AGMO: variants seen among roughly 807,000 people sequenced by gnomAD.
AGMO encodes alkylglycerol monooxygenase.
A neutral mutation model predicts 60.2 loss-of-function variants in AGMO; 75 were observed. The ratio of observed to expected loss-of-function variants is 1.25; its 90% CI spans 1.03 to 1.51. The LOEUF is 1.51. AGMO is among the 40% of genes most tolerant of loss of function. The pLI, the probability that AGMO is intolerant of heterozygous loss-of-function variation, is 0.00. For synonymous variants in AGMO, 261 were observed against 177.1 expected (o/e 1.47, Z -3.76); for missense variants, 763 against 525.5 (o/e 1.45, Z -4.42).
At chr7:15,442,461 T>C (rs1781583673) in intron 3 of AGMO, among the ~76,000 whole-genome samples, 1 of 152,082 alleles carries the variant, frequency 6.6e-6, no homozygotes. Flanking sequence ...TAGGAACATT[T>C]CCCCCATTAT....
At chr7:15,174,114 CT>C in the AGMO span, among the ~76,000 whole-genome samples, 9 of 151,900 alleles carry the variant, frequency 5.9e-5, no homozygotes, top group African/African-American at 2.2e-4. Flanking sequence ...TTGGTAATTT[CT>C]TTTTTACATT....
intron 12 of AGMO, among the ~76,000 whole-genome samples, chr7:15,289,708 G>C (rs1784202518): frequency 6.6e-6 from 1 of 152,060 alleles, no homozygotes; most frequent in African/African-American, 2.4e-5. Flanking sequence ...TTCAAAGAAA[G>C]AGGTAAATAC....
the AGMO span, among the ~76,000 whole-genome samples, chr7:15,192,154 C>T: frequency 4.1e-3 from 625 of 152,030 alleles, 1 homozygote; most frequent in African/African-American, 0.013. Flanking sequence ...GTGGGATTCC[C>T]GACCAAAGGC....
intron 12 of AGMO, among the ~76,000 whole-genome samples, chr7:15,203,033 T>C (rs1186605327): frequency 1.3e-5 from 2 of 152,162 alleles, no homozygotes; most frequent in Non-Finnish European, 2.9e-5. Context: ...ACATACCTTG[T>C]GTTGTGCAGG....
the AGMO span, among the ~76,000 whole-genome samples, chr7:15,124,250 T>C: frequency 2.0e-5 from 3 of 152,016 alleles, no homozygotes; most frequent in Non-Finnish European, 4.4e-5. Context: ...GATGGCTGAC[T>C]GGTTTTTTCC....
chr7:15,319,147 T>C (rs772437617), intron 12 of AGMO, among the ~76,000 whole-genome samples: 19 of 152,154 alleles, frequency 1.2e-4, no homozygotes, highest in Non-Finnish European at 2.4e-4. Flanking sequence ...TCAGCATAGG[T>C]TTTATTTTTC....
chr7:15,183,597 T>C, the AGMO span, among the ~76,000 whole-genome samples: 2 of 152,170 alleles, frequency 1.3e-5, no homozygotes, highest in Non-Finnish European at 2.9e-5. Flanking sequence ...GATTCTTACA[T>C]TTAATGACCA....
chr7:15,340,154 T>G (rs1027077010), intron 12 of AGMO, among the ~76,000 whole-genome samples: 11 of 152,216 alleles, frequency 7.2e-5, no homozygotes, highest in Non-Finnish European at 1.6e-4. Flanking sequence ...AATTCATTTA[T>G]GCTATATACA....
intron 3 of AGMO, among the ~76,000 whole-genome samples, chr7:15,536,893 A>G (rs1316107090): frequency 1.3e-5 from 2 of 151,922 alleles, no homozygotes; most frequent in African/African-American, 2.4e-5. Context: ...ATGAAAGTGG[A>G]TAGAATTCCA....
At chr7:15,529,127 T>G (rs563155758) in intron 3 of AGMO, among the ~76,000 whole-genome samples, 1 of 152,252 alleles carries the variant, frequency 6.6e-6, no homozygotes, top group African/African-American at 2.4e-5. Flanking sequence ...ATTCTTAAAA[T>G]GCACTGACAA....
chr7:15,553,890 C>G (rs1374071532), intron 2 of AGMO, among the ~76,000 whole-genome samples: 2 of 152,176 alleles, frequency 1.3e-5, no homozygotes, highest in East Asian at 3.9e-4. Context: ...TCAAGCCTTC[C>G]CCCCACCACA....
At chr7:15,289,163 C>A in intron 12 of AGMO, among the ~76,000 whole-genome samples, 1 of 151,818 alleles carries the variant, frequency 6.6e-6, no homozygotes. Flanking sequence ...AAGCAATTTA[C>A]TTGTTTCATA....
At position 15,201,355 on chromosome 7, in the gene AGMO, AC is replaced by A. The variant is rs764068954; in HGVS notation, c.1267del (p.Val423PhefsTer14). 1.2e-6 allele frequency: 2 copies of A among 1,611,690 alleles called. No individual in the cohort carries two copies. Among genetic ancestry groups the A allele is most frequent in the Admixed American group, 3.3e-5 (2 of 59,920 alleles). On this transcript the variant is annotated frameshift_variant, in exon 13 of 13. Transcript: ENST00000342526. LOFTEE classifies it high-confidence loss of function. ...VPSLSSAFEI[V>X]FSICIAFWGV... is the part of the protein sequence containing the mutation. ...CCAGAAAGCAATGCAAATGGAAAAA[AC>A]AATCTGAAGAAATAAAACACAAAGA...
intron 3 of AGMO, among the ~76,000 whole-genome samples, chr7:15,493,759 G>A (rs1039555433): frequency 6.6e-6 from 1 of 152,122 alleles, no homozygotes; most frequent in African/African-American, 2.4e-5. Context: ...TGCATATCCT[G>A]AGAAGAAAGA....
At chr7:15,476,729 C>A (rs2128515302) in intron 3 of AGMO, among the ~76,000 whole-genome samples, 1 of 152,178 alleles carries the variant, frequency 6.6e-6, no homozygotes, top group African/African-American at 2.4e-5. Context: ...GACTTTAAAA[C>A]ATTTTGAAAC....
chr7:15,322,748 A>G (rs1291212690), intron 12 of AGMO, among the ~76,000 whole-genome samples: 3 of 132,380 alleles, frequency 2.3e-5, no homozygotes, highest in Non-Finnish European at 4.7e-5. Context: ...ATATAAATAT[A>G]TATAAATATA....
At chr7:15,450,400 A>G (rs1247352859) in intron 3 of AGMO, among the ~76,000 whole-genome samples, 1 of 151,538 alleles carries the variant, frequency 6.6e-6, no homozygotes, top group Non-Finnish European at 1.5e-5. Flanking sequence ...AGCCTGGGCA[A>G]CAGAGCGAGT....
At chr7:15,367,529 A>AT (rs1473361566) in intron 10 of AGMO, among the ~76,000 whole-genome samples, 7 of 152,112 alleles carry the variant, frequency 4.6e-5, no homozygotes, top group Admixed American at 2.6e-4. Context: ...CAGAAAGTAA[A>AT]TAACGCCTCT....
intron 3 of AGMO, among the ~76,000 whole-genome samples, chr7:15,499,053 GA>G (rs1350622129): frequency 6.6e-6 from 1 of 151,796 alleles, no homozygotes; most frequent in Admixed American, 6.6e-5. Flanking sequence ...GTTTAACATT[GA>G]AAAACACTTA....
Sources: gnomAD v4.1 joint callset for allele counts (sites outside exome capture counted in the v4.1 genomes callset) on GRCh38, gnomAD v4.1.1 for gene constraint, MANE v1.5 for transcripts, NCBI Gene and HGNC (gene_info 2026-07-23, HGNC 2026-07-21) for gene names.